RMDN2: variants seen among roughly 807,000 people sequenced by gnomAD.
RMDN2 encodes regulator of microtubule dynamics protein 2.
RMDN2 carries 61 observed loss-of-function variants against 52.8 expected under a neutral mutation model. The ratio of observed to expected loss-of-function variants is 1.16; its 90% CI spans 0.94 to 1.43. RMDN2 has a LOEUF of 1.43. Ranked by LOEUF, RMDN2 falls within the 40% of genes most tolerant of loss-of-function variation. RMDN2 has a pLI of 0.00. For missense variants in RMDN2, 592 were observed against 475.3 expected (o/e 1.25, Z -2.28); for synonymous variants, 180 against 153.1 (o/e 1.18, Z -1.30).
intron 10 of RMDN2, chr2:38,030,449 A>C (rs1447821820): frequency 1.3e-5 from 2 of 152,222 alleles, no homozygotes; most frequent in Non-Finnish European, 2.9e-5. Flanking sequence ...TATTTAGTGC[A>C]GTCACAGAGG....
chr2:37,977,659 G>T (rs1411700069), intron 4 of RMDN2, among the ~76,000 whole-genome samples: 1 of 152,102 alleles, frequency 6.6e-6, no homozygotes, highest in African/African-American at 2.4e-5. Context: ...CAGTGGGGCA[G>T]AGACACTCCT....
chr2:37,948,446 G>A (rs985782955), intron 2 of RMDN2, among the ~76,000 whole-genome samples: 1 of 152,130 alleles, frequency 6.6e-6, no homozygotes, highest in Non-Finnish European at 1.5e-5. Context: ...AAGGAGGAGG[G>A]TTGGGTGGCC....
intron 2 of RMDN2, among the ~76,000 whole-genome samples, chr2:37,958,601 C>T (rs1479200224): frequency 6.6e-6 from 1 of 150,872 alleles, no homozygotes; most frequent in African/African-American, 2.5e-5. Flanking sequence ...AATTTGACTT[C>T]CTCTCTTTGT....
intron 10 of RMDN2, among the ~76,000 whole-genome samples, chr2:38,013,586 T>C (rs1452554052): frequency 2.0e-5 from 3 of 152,224 alleles, no homozygotes; most frequent in Non-Finnish European, 2.9e-5. Flanking sequence ...ATAACTCTCA[T>C]TGGTAACTGC....
chr2:38,044,193 T>C (rs1681130451), intron 10 of RMDN2, among the ~76,000 whole-genome samples: 1 of 152,060 alleles, frequency 6.6e-6, no homozygotes, highest in African/African-American at 2.4e-5. Context: ...TTTTTCTTTT[T>C]TTCTTTCAAC....
intron 7 of RMDN2, among the ~76,000 whole-genome samples, chr2:37,996,538 C>T (rs373044791): frequency 6.9e-5 from 10 of 145,518 alleles, no homozygotes; most frequent in Admixed American, 3.5e-4. Context: ...GAGCCATGAT[C>T]GTGCCGCTGT....
At chr2:37,923,712 GT>G (rs1390027435), upstream of RMDN2, among the ~76,000 whole-genome samples, 1 of 152,178 alleles carries the variant, frequency 6.6e-6, no homozygotes, top group African/African-American at 2.4e-5. Flanking sequence ...AATCTGAGAG[GT>G]TAAAGATTAA....
At chr2:38,062,765 C>A (rs1682103961) in intron 10 of RMDN2, among the ~76,000 whole-genome samples, 1 of 132,166 alleles carries the variant, frequency 7.6e-6, no homozygotes. Flanking sequence ...TATCCCTCCC[C>A]CCTTCCCCCC....
chr2:37,987,729 T>G (rs1224239229), intron 5 of RMDN2, among the ~76,000 whole-genome samples: 1 of 152,202 alleles, frequency 6.6e-6, no homozygotes, highest in Non-Finnish European at 1.5e-5. Context: ...TTCATCAGTT[T>G]TAACAAATGT....
intron 2 of RMDN2, among the ~76,000 whole-genome samples, chr2:37,959,888 T>A (rs1285378141): frequency 1.3e-5 from 2 of 151,048 alleles, no homozygotes; most frequent in Middle Eastern, 3.4e-3. Flanking sequence ...TATTTCTGCC[T>A]TAATTTTGTT....
intron 10 of RMDN2, among the ~76,000 whole-genome samples, chr2:38,033,925 A>G (rs1040635937): frequency 6.6e-6 from 1 of 152,366 alleles, no homozygotes; most frequent in East Asian, 1.9e-4. Flanking sequence ...GCATGTATTA[A>G]TCAACCAAGA....
rs778257695 is a variant in RMDN2 at position 38,004,160 on chromosome 2, C to T, written c.1123C>T (p.Gln375Ter). 1.9e-6 allele frequency: 3 copies of T among 1,613,678 alleles called. No homozygotes were observed. Among genetic ancestry groups the T allele is most frequent in the Non-Finnish European group, 2.5e-6 (3 of 1,179,812 alleles). ...GTGTTATACTGATCTTGAGGAAAAC[C>T]AGAATGCTTTGAAGTTCTGTAATTT... ...AKCYTDLEEN[Q>*]NALKFCNLAL... The change falls in exon 10 of 11, where the codon CAG becomes TAG. Residue 375 changes from glutamine (Q) to a stop codon, truncating the protein, a stop_gained. Transcript: ENST00000354545. LOFTEE classifies it high-confidence loss of function.
chr2:37,965,002 A>C (rs1900233), intron 2 of RMDN2, among the ~76,000 whole-genome samples: 1 of 151,814 alleles, frequency 6.6e-6, no homozygotes, highest in Non-Finnish European at 1.5e-5. Context: ...TCTCTTGTAC[A>C]ATTTTTGACT....
chr2:37,953,452 C>T (rs1572775148), intron 2 of RMDN2, among the ~76,000 whole-genome samples: 1 of 152,004 alleles, frequency 6.6e-6, no homozygotes, highest in East Asian at 1.9e-4. Flanking sequence ...ATTTTGTGAC[C>T]AGCTTATTTC....
intron 10 of RMDN2, among the ~76,000 whole-genome samples, chr2:38,007,864 C>A (rs1414761008): frequency 6.6e-6 from 1 of 152,156 alleles, no homozygotes; most frequent in African/African-American, 2.4e-5. Context: ...TTTCCCTCTA[C>A]ACACTGCTTC....
At chr2:37,993,644 A>G (rs1675118756) in intron 7 of RMDN2, among the ~76,000 whole-genome samples, 1 of 151,970 alleles carries the variant, frequency 6.6e-6, no homozygotes. Context: ...AAGGCTGGTA[A>G]CCTAAAGCTT....
At chr2:37,941,533 G>A (rs2124928765) in intron 2 of RMDN2, among the ~76,000 whole-genome samples, 1 of 152,336 alleles carries the variant, frequency 6.6e-6, no homozygotes, top group African/African-American at 2.4e-5. Context: ...CAGGGAAACT[G>A]GAGTTTTATG....
At chr2:37,953,976 G>A (rs1427823102) in intron 2 of RMDN2, among the ~76,000 whole-genome samples, 4 of 151,958 alleles carry the variant, frequency 2.6e-5, no homozygotes, top group African/African-American at 9.7e-5. Flanking sequence ...TCGTGTGACT[G>A]CTGCCCATTT....
At chr2:37,950,287 C>T in intron 2 of RMDN2, 1 of 558,024 alleles carries the variant, frequency 1.8e-6, no homozygotes, top group Non-Finnish European at 3.2e-6. Context: ...AGCTGTTTTC[C>T]CACCCCTGGA....
Sources: gnomAD v4.1 joint callset for allele counts (sites outside exome capture counted in the v4.1 genomes callset) on GRCh38, gnomAD v4.1.1 for gene constraint, MANE v1.5 for transcripts, NCBI Gene and HGNC (gene_info 2026-07-23, HGNC 2026-07-21) for gene names.